The following PRKCH variants were observed in gnomAD, a reference collection of about 807,000 sequenced individuals.
PRKCH encodes the protein protein kinase C eta.
PRKCH carries 28 observed loss-of-function variants against 82.5 expected under a neutral mutation model. The observed-to-expected ratio is 0.34, with a 90% CI of 0.25 to 0.47. The LOEUF is 0.47. PRKCH is among the 20% of genes least tolerant of loss of function. PRKCH has a pLI of 1.00. For missense variants in PRKCH, 705 were observed against 881.8 expected (o/e 0.80, Z 2.54); for synonymous variants, 322 against 327.4 (o/e 0.98, Z 0.18).
intron 2 of PRKCH, among the ~76,000 whole-genome samples, chr14:61,416,579 G>T (rs145614579): frequency 4.5e-4 from 68 of 152,190 alleles, no homozygotes; most frequent in African/African-American, 1.5e-3. Context: ...GCTGCTGGGC[G>T]TGAAGAAGAT....
At chr14:61,210,111 AATAT>A (rs60055073) in intron 1 of PRKCH, among the ~76,000 whole-genome samples, 867 of 86,624 alleles carry the variant, frequency 0.01, 4 homozygotes, top group Non-Finnish European at 0.013. Context: ...CAAACAAACA[AATAT>A]ATATATATAT....
intron 1 of PRKCH, among the ~76,000 whole-genome samples, chr14:61,228,212 GA>G (rs1328232473): frequency 6.6e-6 from 1 of 152,174 alleles, no homozygotes; most frequent in African/African-American, 2.4e-5. Context: ...GAATCCCGAG[GA>G]GAGAAGAAAT....
intron 2 of PRKCH, among the ~76,000 whole-genome samples, chr14:61,405,960 A>G (rs1205885506): frequency 6.6e-6 from 1 of 152,208 alleles, no homozygotes; most frequent in Non-Finnish European, 1.5e-5. Context: ...TGAAATGCCA[A>G]GAGGATCTGT....
At chr14:61,215,615 T>C (rs919570542) in intron 1 of PRKCH, among the ~76,000 whole-genome samples, 2 of 152,250 alleles carry the variant, frequency 1.3e-5, no homozygotes, top group Admixed American at 1.3e-4. Flanking sequence ...TTATATTTAT[T>C]GGTTAAATAA....
At chr14:61,211,573 T>C (rs1458899574) in intron 1 of PRKCH, among the ~76,000 whole-genome samples, 1 of 152,190 alleles carries the variant, frequency 6.6e-6, no homozygotes, top group African/African-American at 2.4e-5. Context: ...ATATGCTCCA[T>C]TTGGATGAAA....
intron 10 of PRKCH, among the ~76,000 whole-genome samples, chr14:61,499,770 T>C (rs1394652179): frequency 3.8e-4 from 2 of 5,278 alleles, no homozygotes; most frequent in Non-Finnish European, 1.9e-3. Context: ...GAGGAACTTA[T>C]ACTTCCTCCA....
intron 1 of PRKCH, among the ~76,000 whole-genome samples, chr14:61,293,661 G>C (rs1013911323): frequency 2.0e-4 from 30 of 152,258 alleles, no homozygotes; most frequent in Non-Finnish European, 3.4e-4. Flanking sequence ...TCTGCTTTTA[G>C]AGTTTTATTT....
At chr14:61,519,780 C>T (rs1197017224) in intron 10 of PRKCH, among the ~76,000 whole-genome samples, 1 of 151,798 alleles carries the variant, frequency 6.6e-6, no homozygotes, top group Non-Finnish European at 1.5e-5. Context: ...TAAGTTCATT[C>T]AGACTTCAGG....
intron 9 of PRKCH, among the ~76,000 whole-genome samples, chr14:61,463,523 G>A (rs1885121408): frequency 6.6e-6 from 1 of 151,874 alleles, no homozygotes; most frequent in Non-Finnish European, 1.5e-5. Flanking sequence ...ATATAAATGG[G>A]CATCCTTATC....
chr14:61,509,474 C>G (rs1310276364), intron 10 of PRKCH, among the ~76,000 whole-genome samples: 2 of 151,532 alleles, frequency 1.3e-5, no homozygotes, highest in African/African-American at 4.9e-5. Flanking sequence ...AATCTTTGCT[C>G]TCAGGATTTA....
chr14:61,488,598 C>G (rs929211196), intron 10 of PRKCH, among the ~76,000 whole-genome samples: 47 of 152,132 alleles, frequency 3.1e-4, no homozygotes, highest in African/African-American at 1.1e-3. Flanking sequence ...CTTCTTAGTC[C>G]TTTTTGGTGA....
At chr14:61,248,999 G>A (rs780082512) in intron 1 of PRKCH, among the ~76,000 whole-genome samples, 1 of 151,928 alleles carries the variant, frequency 6.6e-6, no homozygotes, top group Non-Finnish European at 1.5e-5. Flanking sequence ...ACGGGGTTTC[G>A]CCATGTTTAC....
chr14:61,517,358 T>C (rs931012126), intron 10 of PRKCH, among the ~76,000 whole-genome samples: 3 of 152,244 alleles, frequency 2.0e-5, no homozygotes, highest in African/African-American at 7.2e-5. Context: ...AGGACATTGC[T>C]ATTTTCTGAC....
chr14:61,365,717 A>T (rs1022602898), intron 1 of PRKCH, among the ~76,000 whole-genome samples: 6 of 152,040 alleles, frequency 3.9e-5, no homozygotes, highest in Non-Finnish European at 7.3e-5. Context: ...ACTATGTACC[A>T]GGTGGTATGA....
chr14:61,262,067 A>G (rs2045050692), intron 1 of PRKCH, among the ~76,000 whole-genome samples: 1 of 151,882 alleles, frequency 6.6e-6, no homozygotes, highest in Non-Finnish European at 1.5e-5. Context: ...TAAAAATACA[A>G]AAAATTAGCT....
In PRKCH at chr14:61,213,239, T is replaced by A. The variant is rs190670146; in HGVS notation, c.-19+25571T>A. On this transcript the variant is annotated intron_variant, in intron 1 of 3. Transcript: ENST00000555185. ...TACCCTCTCTTCTGTCTCCCACTTC[T>A]TTTTAAAAAGGTCAGCAGAAATCAC... Among the ~76,000 whole-genome samples, 240 of 152,336 alleles carry A rather than the reference T, an allele frequency of 1.6e-3. 2 individuals carry two copies. The highest frequency in any genetic ancestry group is 3.0e-3 in the Non-Finnish European group (203 of 68,026).
At chr14:61,509,544 C>T (rs1252286657) in intron 10 of PRKCH, among the ~76,000 whole-genome samples, 1 of 152,074 alleles carries the variant, frequency 6.6e-6, no homozygotes, top group African/African-American at 2.4e-5. Flanking sequence ...ACCATAAATG[C>T]TCAGAGTGAA....
At chr14:61,425,180 C>T (rs1001118678) in intron 2 of PRKCH, among the ~76,000 whole-genome samples, 4 of 152,304 alleles carry the variant, frequency 2.6e-5, no homozygotes, top group Admixed American at 1.3e-4. Context: ...GAGACCCCAC[C>T]GTGGCACTGC....
chr14:61,329,037 G>A (rs1370178382), intron 1 of PRKCH, among the ~76,000 whole-genome samples: 2 of 150,078 alleles, frequency 1.3e-5, no homozygotes, highest in Non-Finnish European at 3.0e-5. Context: ...TTCCCCTTTT[G>A]TGTTGACTTC....
Sources: allele counts gnomAD v4.1 joint callset (sites outside exome capture counted in the v4.1 genomes callset), GRCh38; gene constraint gnomAD v4.1.1; transcripts MANE v1.5; gene names NCBI Gene and HGNC (gene_info 2026-07-23, HGNC 2026-07-21).